CHD7: variants seen among roughly 807,000 people sequenced by gnomAD.
CHD7 encodes chromodomain helicase DNA binding protein 7.
CHD7 carries 24 observed loss-of-function variants against 307.3 expected under a neutral mutation model. The ratio of observed to expected loss-of-function variants is 0.08; its 90% CI spans 0.06 to 0.11. The LOEUF (loss-of-function observed/expected upper bound fraction) is 0.11. CHD7 is among the 10% of genes least tolerant of loss of function. The pLI is 1.00. For synonymous variants in CHD7, 1,363 were observed against 1,349.9 expected, an observed-to-expected ratio of 1.01 and a Z score of -0.21; for missense variants, 3,106 against 3,727.1, an observed-to-expected ratio of 0.83 and a Z score of 4.34.
At chr8:60,698,887 A>G (rs982493912) in intron 1 of CHD7, among the ~76,000 whole-genome samples, 5 of 152,204 alleles carry the variant, frequency 3.3e-5, no homozygotes, top group Non-Finnish European at 7.4e-5. Flanking sequence ...CCTGGGCTCA[A>G]GTCATCCTCC....
rs1293621557 is a variant in CHD7 at position 60,836,637 on chromosome 8, G to A, written c.3990-180G>A. On this transcript the variant is annotated intron_variant, in intron 16 of 37. Coordinates refer to ENST00000423902, the MANE Select transcript of CHD7 (RefSeq NM_017780.4). Reference sequence around the variant, plus strand: ...GAAGTAAAATAAAATTTAATCTTTGGTCATTCAATCAATTATATAAAAAAC... The same window carrying A: ...GAAGTAAAATAAAATTTAATCTTTGATCATTCAATCAATTATATAAAAAAC... Among the ~76,000 whole-genome samples the A allele has an allele frequency of 2.0e-5, 3 of 152,034 alleles. No homozygotes were observed. The East Asian group carries it at 5.8e-4, about 29-fold the overall frequency.
At chr8:60,805,279 G>C (rs1040664028) in intron 6 of CHD7, among the ~76,000 whole-genome samples, 1 of 152,142 alleles carries the variant, frequency 6.6e-6, no homozygotes, top group Non-Finnish European at 1.5e-5. Context: ...AGGTCAGCAT[G>C]ATCATATTTA....
intron 2 of CHD7, among the ~76,000 whole-genome samples, chr8:60,763,013 G>A (rs1810298509): frequency 6.6e-6 from 1 of 152,044 alleles, no homozygotes; most frequent in African/African-American, 2.4e-5. Flanking sequence ...AGGGGGAGGT[G>A]GGAGAAGATG....
At chr8:60,847,743 C>A (rs1032855617) in intron 23 of CHD7, among the ~76,000 whole-genome samples, 21 of 152,264 alleles carry the variant, frequency 1.4e-4, no homozygotes, top group African/African-American at 4.8e-4. Context: ...GACTGAAAAT[C>A]TAGTTCCTAG....
intron 1 of CHD7, among the ~76,000 whole-genome samples, chr8:60,707,305 T>A (rs1807069763): frequency 6.6e-6 from 1 of 152,246 alleles, no homozygotes; most frequent in African/African-American, 2.4e-5. Context: ...AGTAGTGTGA[T>A]CCTCTACATC....
At chr8:60,714,350 T>G (rs1202912192) in intron 1 of CHD7, among the ~76,000 whole-genome samples, 1 of 128,830 alleles carries the variant, frequency 7.8e-6, no homozygotes, top group Non-Finnish European at 1.6e-5. Flanking sequence ...CTGCGGCCAC[T>G]TCCTGACCGG....
intron 7 of CHD7, among the ~76,000 whole-genome samples, chr8:60,814,666 C>T (rs995482789): frequency 2.0e-5 from 3 of 152,234 alleles, no homozygotes; most frequent in African/African-American, 4.8e-5. Context: ...AGGCTGGTCT[C>T]GAACTACTGG....
Position 60,862,196 on chromosome 8 carries a change from A to G in CHD7, c.7831A>G (p.Lys2611Glu). 1 of 1,606,484 alleles carries G rather than the reference A, an allele frequency of 6.2e-7. No individual in the cohort carries two copies. Among genetic ancestry groups the G allele is most frequent in the Non-Finnish European group, 8.5e-7 (1 of 1,176,154 alleles). ...YTVDMPSYVP[K>E]NADVLFSSFQ... ...ACTAAATATGTTTTTTCTTTTGCAG[A>G]AGAATGCAGATGTGCTGTTTTCCTC... Residue 2611 changes from lysine to glutamate, a missense_variant and splice_region_variant, in exon 36 of 38, where the codon AAG becomes GAG. Transcript: ENST00000423902.
At chr8:60,768,258 A>T (rs1810564264) in intron 2 of CHD7, among the ~76,000 whole-genome samples, 1 of 152,178 alleles carries the variant, frequency 6.6e-6, no homozygotes. Flanking sequence ...AGACCCCCAG[A>T]TGGTCTGAGA....
intron 2 of CHD7, among the ~76,000 whole-genome samples, chr8:60,772,570 A>G (rs1162244875): frequency 6.6e-6 from 1 of 152,158 alleles, no homozygotes; most frequent in East Asian, 1.9e-4. Context: ...GTGGGTGTCC[A>G]CTGCCAAATT....
intron 2 of CHD7, among the ~76,000 whole-genome samples, chr8:60,770,256 C>G (rs1293902073): frequency 6.6e-6 from 1 of 152,206 alleles, no homozygotes; most frequent in Admixed American, 6.5e-5. Context: ...AAAAGGGACT[C>G]AAATCTGAAC....
At chr8:60,693,254 C>T (rs555095676) in intron 1 of CHD7, among the ~76,000 whole-genome samples, 10 of 152,312 alleles carry the variant, frequency 6.6e-5, no homozygotes, top group South Asian at 2.1e-4. Context: ...TCAACTTGCA[C>T]GGTTGGGGAG....
Position 60,850,618 on chromosome 8 carries a change from G to A in CHD7, c.5530G>A (p.Asp1844Asn), listed in dbSNP as rs756508860. Residue 1844 changes from aspartate (D) to asparagine (N), a missense_variant, in exon 26 of 38, where the codon GAC becomes AAC. Physicochemically the swap from Asp to Asn is conservative, Grantham distance 23 (BLOSUM62 1). This residue lies in a region of CHD7 where 1,030 missense variants were observed against 1,165.4 expected (regional missense o/e 0.88). Transcript: ENST00000423902. ...RGTDMLADGGDGGEFDREDED... is the reference protein window; with the variant it reads ...RGTDMLADGGNGGEFDREDED... ...AACAGACATGCTAGCAGATGGTGGT[G>A]ACGGGTAAGAAGGACATTTTAAAAT... 1.2e-6 allele frequency: 2 copies of A among 1,610,694 alleles called. No homozygotes were observed. The highest frequency in any genetic ancestry group is 1.1e-5 in the South Asian group (1 of 90,444).
At position 60,851,295 on chromosome 8, in the gene CHD7, G is replaced by A; in HGVS notation, c.5641G>A (p.Glu1881Lys). The part of the protein sequence containing the change: ...FANSPSEDKE[E>K]SMEIHATGKH... ...AAATTCTCCTTCAGAGGATAAGGAA[G>A]AATCCATGGAAATACATGCCACAGG... Residue 1881 changes from glutamate to lysine, a missense_variant, in exon 28 of 38, where the codon GAA becomes AAA. This residue lies in a region of CHD7 where 1,030 missense variants were observed against 1,165.4 expected (regional missense o/e 0.88). Coordinates refer to ENST00000423902, the MANE Select transcript of CHD7 (RefSeq NM_017780.4). The A allele has an allele frequency of 6.4e-7, 1 of 1,559,150 alleles. No individual in the cohort carries two copies.
At chr8:60,828,868 A>G (rs1291119635) in intron 14 of CHD7, 62 bp downstream of exon 14, 1 of 1,456,646 alleles carries the variant, frequency 6.9e-7, no homozygotes, top group Non-Finnish European at 9.5e-7. Flanking sequence ...ATGAAATGGC[A>G]AAGTATTAAG....
At chr8:60,817,312 T>C (rs1291368016) in intron 8 of CHD7, among the ~76,000 whole-genome samples, 1 of 152,214 alleles carries the variant, frequency 6.6e-6, no homozygotes, top group African/African-American at 2.4e-5. Context: ...AGCGTACAAT[T>C]TGATGCAAAA....
chr8:60,787,640 GAA>G (rs1416738402), intron 3 of CHD7, among the ~76,000 whole-genome samples: 5 of 151,920 alleles, frequency 3.3e-5, no homozygotes, highest in African/African-American at 1.2e-4. Flanking sequence ...ACTTCTATAG[GAA>G]CAATATAATT....
chr8:60,722,712 C>G (rs995996328), intron 1 of CHD7, among the ~76,000 whole-genome samples: 1 of 152,170 alleles, frequency 6.6e-6, no homozygotes, highest in African/African-American at 2.4e-5. Context: ...TTATAAATCT[C>G]TTTAATGCCT....
In CHD7 at chr8:60,836,847, A is replaced by G. The variant is rs1804766029; in HGVS notation, c.4020A>G (p.Val1340=). 1 of 1,613,882 alleles carries G rather than the reference A, an allele frequency of 6.2e-7. No individual in the cohort carries two copies. Among genetic ancestry groups the G allele is most frequent in the Non-Finnish European group, 8.5e-7 (1 of 1,179,800 alleles). ...RYPYERIDGR[V]RGNLRQAAID... ...CATATGAAAGGATCGACGGCCGAGT[A>G]AGAGGCAACCTCCGCCAGGCAGCTA... is the stretch of plus-strand genomic sequence containing the variant. The change falls in exon 17 of 38, where the codon GTA becomes GTG. Residue 1340 remains valine (V), a synonymous_variant. Transcript: ENST00000423902.
Sources: allele counts gnomAD v4.1 joint callset (sites outside exome capture counted in the v4.1 genomes callset), GRCh38; gene constraint gnomAD v4.1.1; regional missense constraint gnomAD v4.1.1; transcripts MANE v1.5; gene names NCBI Gene and HGNC (gene_info 2026-07-23, HGNC 2026-07-21).